The following SLCO6A1 variants were observed in gnomAD, a reference collection of about 807,000 sequenced individuals.
The protein encoded by SLCO6A1 is solute carrier organic anion transporter family member 6A1, also known as cancer/testis antigen 48.
SLCO6A1 carries 65 observed loss-of-function variants against 72.7 expected under a neutral mutation model. The ratio of observed to expected loss-of-function variants is 0.89; its 90% CI spans 0.73 to 1.10. The LOEUF is 1.10. Ranked by LOEUF, SLCO6A1 falls within the 50% of genes least tolerant of loss-of-function variation. The pLI is 0.00. For synonymous variants in SLCO6A1, 314 were observed against 298.2 expected (o/e 1.05, Z -0.55); for missense variants, 874 against 872.6 (o/e 1.00, Z -0.02).
At chr5:102,471,720 C>G (rs1006289964) in intron 4 of SLCO6A1, among the ~76,000 whole-genome samples, 8 of 152,004 alleles carry the variant, frequency 5.3e-5, no homozygotes, top group Admixed American at 5.3e-4. Flanking sequence ...ATTGCTACTT[C>G]TGATACTACT....
At chr5:102,412,014 G>T (rs1200423585) in intron 9 of SLCO6A1, among the ~76,000 whole-genome samples, 1 of 151,950 alleles carries the variant, frequency 6.6e-6, no homozygotes, top group African/African-American at 2.4e-5. Flanking sequence ...AAAGAACCTT[G>T]GTCTCCACAA....
intron 4 of SLCO6A1, among the ~76,000 whole-genome samples, chr5:102,472,584 A>T (rs114313122): frequency 1.3e-5 from 2 of 152,020 alleles, no homozygotes; most frequent in Non-Finnish European, 1.5e-5. Context: ...CAGCTTTAAA[A>T]TATATATTTA....
chr5:102,450,879 G>A (rs1750378986), intron 6 of SLCO6A1, among the ~76,000 whole-genome samples: 1 of 152,216 alleles, frequency 6.6e-6, no homozygotes, highest in Admixed American at 6.5e-5. Context: ...GGAGGTGTGA[G>A]TACAGCACTC....
chr5:102,458,216 C>T (rs1441584396), intron 6 of SLCO6A1, among the ~76,000 whole-genome samples, 166 bp downstream of exon 6: 2 of 151,596 alleles, frequency 1.3e-5, no homozygotes, highest in African/African-American at 4.9e-5. Context: ...CTAACCGGCA[C>T]GTTGTGCACA....
At chr5:102,443,224 A>C (rs889206826) in intron 6 of SLCO6A1, among the ~76,000 whole-genome samples, 4 of 152,066 alleles carry the variant, frequency 2.6e-5, no homozygotes, top group African/African-American at 4.8e-5. Flanking sequence ...AAGAAGTGAG[A>C]CATCATTCAG....
At chr5:102,376,745 T>C (rs575588332) in intron 12 of SLCO6A1, among the ~76,000 whole-genome samples, 1 of 152,294 alleles carries the variant, frequency 6.6e-6, no homozygotes, top group Non-Finnish European at 1.5e-5. Flanking sequence ...CATGAATAAT[T>C]CATGAGATAG....
Position 102,388,770 on chromosome 5 carries a change from TA to T in SLCO6A1, c.1934del (p.Leu645TyrfsTer26). 1 of 1,608,610 alleles carries T rather than the reference TA, an allele frequency of 6.2e-7. No homozygotes were observed. Among genetic ancestry groups the T allele is most frequent in the Non-Finnish European group, 8.5e-7 (1 of 1,178,266 alleles). ...FKMSGETSCI[L>X]RDVNKCGHTG... is the part of the protein sequence containing the mutation. Reference sequence around the variant, plus strand: ...TGTGTCCACATTTATTAACATCCCGTAAAATACAAGAAGTTTCTCCTGACAT... The same window carrying T: ...TGTGTCCACATTTATTAACATCCCGTAAATACAAGAAGTTTCTCCTGACAT... On this transcript the variant is annotated frameshift_variant, in exon 12 of 14. Transcript: ENST00000506729. LOFTEE classifies it high-confidence loss of function.
At chr5:102,489,451 C>A (rs1035074425) in intron 1 of SLCO6A1, among the ~76,000 whole-genome samples, 2 of 152,042 alleles carry the variant, frequency 1.3e-5, no homozygotes, top group Non-Finnish European at 2.9e-5. Flanking sequence ...TGGGCAAAAG[C>A]CCTGAATAGG....
At chr5:102,413,206 C>A in intron 8 of SLCO6A1, 63 bp from the exon 9 acceptor site, 1 of 1,435,016 alleles carries the variant, frequency 7.0e-7, no homozygotes, top group South Asian at 1.4e-5. Context: ...ATGCAAATGT[C>A]AAGATATCAG....
intron 6 of SLCO6A1, among the ~76,000 whole-genome samples, chr5:102,442,999 C>T (rs1406234312): frequency 6.6e-6 from 1 of 152,196 alleles, no homozygotes; most frequent in African/African-American, 2.4e-5. Flanking sequence ...AGATCAAGAC[C>T]ATTCTGGCTA....
chr5:102,426,921 T>C (rs1748924356), intron 7 of SLCO6A1, among the ~76,000 whole-genome samples: 2 of 151,970 alleles, frequency 1.3e-5, no homozygotes, highest in Non-Finnish European at 2.9e-5. Flanking sequence ...ATATACACCA[T>C]AGAATAGTAT....
rs375714163 is a variant in SLCO6A1, at chr5:102,420,069, G to A, written c.1277-48C>T. The stretch of plus-strand genomic sequence containing the variant: ...CACAGTTAAAAATAATCAGCTGATA[G>A]TACAGATAATACATACATTGATACA... On this transcript the variant is annotated intron_variant, in intron 7 of 13. Coordinates refer to ENST00000506729, the MANE Select transcript of SLCO6A1 (RefSeq NM_173488.5). 997 of 1,420,036 alleles carry A rather than the reference G, an allele frequency of 7.0e-4. 5 individuals carry two copies. Among genetic ancestry groups the A allele is most frequent in the Middle Eastern group, 6.9e-3 (38 of 5,470 alleles). 88.0% of individuals were successfully genotyped at this position (1,420,036 alleles called of 1,614,324 possible). A position where few individuals can be genotyped will look rare whatever the true frequency, so the allele number is the denominator to read the frequency against.
intron 6 of SLCO6A1, 31 bp from the exon 7 acceptor site, chr5:102,438,792 T>C: frequency 7.0e-7 from 1 of 1,420,134 alleles, no homozygotes; most frequent in African/African-American, 1.5e-5. Flanking sequence ...ATATCTATTA[T>C]TTTATTTTGT....
intron 7 of SLCO6A1, among the ~76,000 whole-genome samples, chr5:102,432,061 T>A (rs1749250017): frequency 6.6e-6 from 1 of 152,164 alleles, no homozygotes; most frequent in African/African-American, 2.4e-5. Flanking sequence ...CAGTTTTTCA[T>A]TCATTTTCCC....
At chr5:102,379,445 A>G (rs1441504164) in intron 12 of SLCO6A1, among the ~76,000 whole-genome samples, 1 of 152,118 alleles carries the variant, frequency 6.6e-6, no homozygotes, top group African/African-American at 2.4e-5. Context: ...TGATGTTTGT[A>G]TAAGATGTGA....
At chr5:102,470,783 G>A (rs957532475) in intron 4 of SLCO6A1, among the ~76,000 whole-genome samples, 5 of 152,056 alleles carry the variant, frequency 3.3e-5, no homozygotes, top group African/African-American at 7.2e-5. Context: ...CTGGTACTGG[G>A]GAGCATCTCT....
At chr5:102,432,171 C>T (rs189908802) in intron 7 of SLCO6A1, among the ~76,000 whole-genome samples, 129 of 152,196 alleles carry the variant, frequency 8.5e-4, no homozygotes, top group African/African-American at 2.9e-3. Flanking sequence ...GCATATCATT[C>T]GGTCTTGCTT....
intron 12 of SLCO6A1, among the ~76,000 whole-genome samples, chr5:102,379,773 CA>C (rs10672287): frequency 0.14 from 19,526 of 140,934 alleles, 1,408 homozygotes; most frequent in East Asian, 0.19. Context: ...TTGTCAATTT[CA>C]AAAAAAAAAA....
intron 12 of SLCO6A1, among the ~76,000 whole-genome samples, chr5:102,381,100 G>C (rs1304520272): frequency 6.6e-6 from 1 of 151,714 alleles, no homozygotes; most frequent in Non-Finnish European, 1.5e-5. Context: ...GAATACTTAA[G>C]TTCTATTCCC....
Sources: gnomAD v4.1 joint callset for allele counts (sites outside exome capture counted in the v4.1 genomes callset) on GRCh38, gnomAD v4.1.1 for gene constraint, MANE v1.5 for transcripts, NCBI Gene and HGNC (gene_info 2026-07-23, HGNC 2026-07-21) for gene names.